The following SMYD3 variants were observed in gnomAD, a reference collection of about 807,000 sequenced individuals.
SMYD3 encodes the protein histone-lysine N-methyltransferase SMYD3.
A neutral mutation model predicts 57.7 loss-of-function variants in SMYD3; 36 were observed. The observed-to-expected ratio is 0.62, with a 90% CI of 0.48 to 0.82. The LOEUF (loss-of-function observed/expected upper bound fraction) is 0.82, where lower values mean the gene tolerates loss of function less well. SMYD3 is among the 40% of genes least tolerant of loss of function. The pLI is 0.00. For synonymous variants in SMYD3, 211 were observed against 195.0 expected (o/e 1.08, Z -0.68); for missense variants, 515 against 538.8 (o/e 0.96, Z 0.44).
intron 5 of SMYD3, among the ~76,000 whole-genome samples, chr1:246,123,571 A>ACAC: frequency 7.7e-6 from 1 of 129,488 alleles, no homozygotes; most frequent in South Asian, 2.8e-4. Context: ...TCCATCTCAA[A>ACAC]ACACACACAC....
chr1:245,762,208 T>C (rs1225297747), intron 11 of SMYD3, among the ~76,000 whole-genome samples: 2 of 152,192 alleles, frequency 1.3e-5, no homozygotes, highest in Non-Finnish European at 2.9e-5. Context: ...CCTGAGCGCC[T>C]TCACTTTCCA....
intron 8 of SMYD3, among the ~76,000 whole-genome samples, chr1:245,886,021 C>G (rs771532145): frequency 3.3e-5 from 5 of 152,034 alleles, no homozygotes; most frequent in Non-Finnish European, 5.9e-5. Context: ...TAATTGGCTG[C>G]TACTTTATGT....
At chr1:246,029,695 G>T (rs952969541) in intron 5 of SMYD3, among the ~76,000 whole-genome samples, 3 of 143,806 alleles carry the variant, frequency 2.1e-5, no homozygotes, top group African/African-American at 5.1e-5. Flanking sequence ...AAAAAAGAAA[G>T]AAAAAGAAAA....
At chr1:246,295,634 G>C (rs1161252411) in intron 5 of SMYD3, among the ~76,000 whole-genome samples, 1 of 152,098 alleles carries the variant, frequency 6.6e-6, no homozygotes, top group East Asian at 1.9e-4. Flanking sequence ...TTTAATAAAA[G>C]TATCTGTTGG....
chr1:245,849,765 A>G (rs755907520), intron 10 of SMYD3, among the ~76,000 whole-genome samples: 1 of 152,028 alleles, frequency 6.6e-6, no homozygotes, highest in Non-Finnish European at 1.5e-5. Flanking sequence ...CGATCCTCTC[A>G]CCTCATCCTC....
chr1:245,920,891 T>C (rs2055876514), intron 7 of SMYD3, among the ~76,000 whole-genome samples: 1 of 152,144 alleles, frequency 6.6e-6, no homozygotes. Context: ...GGAAAGAACA[T>C]ATGACTAAGT....
chr1:246,007,021 G>A (rs1414062514), intron 5 of SMYD3, among the ~76,000 whole-genome samples: 1 of 152,170 alleles, frequency 6.6e-6, no homozygotes, highest in African/African-American at 2.4e-5. Flanking sequence ...AGGTGCTGCT[G>A]AGAGGGGCTT....
At chr1:245,890,467 A>G (rs1401380657) in intron 8 of SMYD3, among the ~76,000 whole-genome samples, 1 of 152,244 alleles carries the variant, frequency 6.6e-6, no homozygotes, top group Non-Finnish European at 1.5e-5. Context: ...AATGGTGAAC[A>G]GGTATAAGAA....
rs548717374 is a variant in SMYD3 at position 245,755,690 on chromosome 1, T to C, written c.1186-6026A>G. Among the ~76,000 whole-genome samples the C allele has an allele frequency of 2.4e-4, 37 of 152,328 alleles. No individual in the cohort carries two copies. The South Asian group carries it at 7.0e-3, about 29-fold the overall frequency. ...TTGCTCTGAAGTCTACTTTACTTAA[T>C]ATTGATATAGCTACTCCAGCTTTCT... is the stretch of plus-strand genomic sequence containing the variant. On this transcript the variant is annotated intron_variant, in intron 11 of 11. Coordinates refer to ENST00000490107, the MANE Select transcript of SMYD3 (RefSeq NM_001167740.2).
intron 1 of SMYD3, among the ~76,000 whole-genome samples, chr1:246,410,583 T>C (rs994671637): frequency 1.3e-5 from 2 of 152,246 alleles, no homozygotes; most frequent in African/African-American, 2.4e-5. Context: ...CAGTATTTTA[T>C]TGAGGATTTT....
At chr1:245,891,548 C>T (rs4654165) in intron 8 of SMYD3, among the ~76,000 whole-genome samples, 151,975 of 152,360 alleles carry the variant, frequency 1, 75,800 homozygotes, top group Middle Eastern at 1. Flanking sequence ...TCTTCTTACT[C>T]AGCTGTACTT....
At chr1:246,277,437 T>G (rs1348009898) in intron 5 of SMYD3, among the ~76,000 whole-genome samples, 1 of 152,160 alleles carries the variant, frequency 6.6e-6, no homozygotes, top group Non-Finnish European at 1.5e-5. Flanking sequence ...GTATCTTATT[T>G]TAACATGTAA....
At chr1:246,290,207 T>C (rs1033557135) in intron 5 of SMYD3, among the ~76,000 whole-genome samples, 3 of 152,174 alleles carry the variant, frequency 2.0e-5, no homozygotes, top group Non-Finnish European at 2.9e-5. Flanking sequence ...AACTAAACCA[T>C]CTACATTCCA....
chr1:245,911,020 T>C (rs1309468158), intron 8 of SMYD3, among the ~76,000 whole-genome samples: 4 of 151,644 alleles, frequency 2.6e-5, no homozygotes, highest in Non-Finnish European at 5.9e-5. Context: ...ATAATCACAA[T>C]ATATAGGAAC....
Position 245,989,387 on chromosome 1 carries a change from C to T in SMYD3, c.532-59450G>A, listed in dbSNP as rs115159178. 3.7e-3 allele frequency among the ~76,000 whole-genome samples: 564 copies of T among 152,282 alleles called. 6 individuals carry two copies. The highest frequency in any genetic ancestry group is 0.012 in the African/African-American group (513 of 41,556). On this transcript the variant is annotated intron_variant, in intron 5 of 11. Coordinates refer to ENST00000490107, the MANE Select transcript of SMYD3 (RefSeq NM_001167740.2). ...TGTACTTTTCTCACTCCTATCTTCACCTATGTTTAGGCTGTGTGCACTTTG... is the reference window on the plus strand; with the variant it reads ...TGTACTTTTCTCACTCCTATCTTCATCTATGTTTAGGCTGTGTGCACTTTG...
chr1:246,014,385 T>A (rs1199531465), intron 5 of SMYD3, among the ~76,000 whole-genome samples: 2 of 152,176 alleles, frequency 1.3e-5, no homozygotes, highest in Non-Finnish European at 2.9e-5. Context: ...GCGGCCTATA[T>A]GATTTCCTGG....
intron 10 of SMYD3, among the ~76,000 whole-genome samples, chr1:245,799,626 T>C (rs1410749107): frequency 1.3e-5 from 2 of 152,246 alleles, no homozygotes; most frequent in East Asian, 1.9e-4. Context: ...ATGTTAGTCA[T>C]GTGAGTAAAC....
chr1:246,440,422 A>G (rs2067444631), intron 1 of SMYD3, among the ~76,000 whole-genome samples: 1 of 152,204 alleles, frequency 6.6e-6, no homozygotes, highest in African/African-American at 2.4e-5. Context: ...TGTGAGGAAG[A>G]TATCGTCACA....
At chr1:245,788,358 G>A (rs2047134305) in intron 10 of SMYD3, among the ~76,000 whole-genome samples, 1 of 152,208 alleles carries the variant, frequency 6.6e-6, no homozygotes. Flanking sequence ...CTGAGCTGCT[G>A]GAATAGACTA....
Sources: allele counts gnomAD v4.1 joint callset (sites outside exome capture counted in the v4.1 genomes callset), GRCh38; gene constraint gnomAD v4.1.1; transcripts MANE v1.5; gene names NCBI Gene and HGNC (gene_info 2026-07-23, HGNC 2026-07-21).